PDZD7: variants seen among roughly 807,000 people sequenced by gnomAD.
The protein encoded by PDZD7 is PDZ domain-containing protein 7.
Under a neutral mutation model 84.7 loss-of-function variants are expected in PDZD7, and 72 were observed. The ratio of observed to expected loss-of-function variants is 0.85; its 90% confidence interval spans 0.70 to 1.03. The LOEUF (loss-of-function observed/expected upper bound fraction) is 1.03, where lower values mean the gene tolerates loss of function less well. Ranked by LOEUF, PDZD7 falls within the 50% of genes least tolerant of loss-of-function variation. PDZD7 has a pLI of 0.00. For missense variants in PDZD7, 1,490 were observed against 1,412.9 expected (o/e 1.05, Z -0.87); for synonymous variants, 594 against 580.7 (o/e 1.02, Z -0.33).
intron 8 of PDZD7, 65 bp from the exon 9 acceptor site, chr10:101,018,361 G>C (rs1455573601): frequency 1.3e-5 from 20 of 1,563,848 alleles, no homozygotes; most frequent in Non-Finnish European, 1.8e-5. Context: ...CGAGGGGCAG[G>C]GGTGTGGGGA....
chr10:101,021,149 G>T (rs1485588051), intron 6 of PDZD7, among the ~76,000 whole-genome samples: 8 of 152,058 alleles, frequency 5.3e-5, no homozygotes, highest in Non-Finnish European at 5.9e-5. Context: ...TGAGAGGAAG[G>T]AAAAGGAAAA....
rs1366770769 is a variant in PDZD7 at position 101,030,128 on chromosome 10, A to G, written c.92T>C (p.Leu31Pro). The G allele has an allele frequency of 3.7e-6, 6 of 1,614,158 alleles. No individual in the cohort carries two copies. The highest frequency in any genetic ancestry group is 4.2e-6 in the Non-Finnish European group (5 of 1,180,034). ...TGCGGTGGAGCCTGAGTCGCTGCCT[A>G]GGTGGCCTCGGGAGGAGAGGGAGCT... Reference protein sequence around the residue: ...SLSSLSSRGHLGSDSGSTATR... With the variant: ...SLSSLSSRGHPGSDSGSTATR... The change falls in exon 2 of 17, where the codon CTA (leucine) becomes CCA (proline). Residue 31 changes from leucine (L) to proline (P), a missense_variant. Leu to Pro is a moderately conservative substitution (Grantham distance 98). Transcript: ENST00000619208.
chr10:101,021,992 C>G, intron 5 of PDZD7, 47 bp from the exon 6 acceptor site: 6 of 1,607,658 alleles, frequency 3.7e-6, no homozygotes, highest in Non-Finnish European at 5.1e-6. Flanking sequence ...GCCTGCCCTC[C>G]GTTACCCCAC....
intron 11 of PDZD7, among the ~76,000 whole-genome samples, chr10:101,013,769 A>G (rs1219678619): frequency 6.6e-6 from 1 of 151,838 alleles, no homozygotes; most frequent in Admixed American, 6.6e-5. Context: ...AGCCAAAGAC[A>G]ATGGGTCACC....
chr10:101,015,867 G>T, intron 10 of PDZD7, 56 bp from the exon 11 acceptor site: 1 of 1,504,062 alleles, frequency 6.6e-7, no homozygotes, highest in Non-Finnish European at 8.9e-7. Flanking sequence ...GCAGGGCTGG[G>T]CCCCAGAATT....
At chr10:101,011,876 C>T (rs1377627279) in intron 13 of PDZD7, 49 bp downstream of exon 13, 2 of 1,549,188 alleles carry the variant, frequency 1.3e-6, no homozygotes, top group African/African-American at 2.7e-5. Flanking sequence ...GTCCCATCCC[C>T]ACCCCCAGCA....
intron 1 of PDZD7, chr10:101,030,719 CAG>C: frequency 8.6e-6 from 2 of 232,622 alleles, no homozygotes; most frequent in Non-Finnish European, 1.8e-5. Context: ...GAGGTCAGGA[CAG>C]CTCATGGCAT....
In PDZD7 at chr10:101,008,786, A is replaced by G. The variant is rs912304447; in HGVS notation, c.2783T>C (p.Val928Ala). Residue 928 changes from valine to alanine, a missense_variant, in exon 17 of 17, where the codon GTA becomes GCA. By Grantham distance (64) the Val-to-Ala change is moderately conservative. Transcript: ENST00000619208. ...NLEQVTHQRA[V>A]DTIRRAYRNK... is the part of the protein sequence containing the mutation. ...TCGATAAGCCCGACGGATGGTGTCTACTGCACGCTGGTGGGTCACCTGCTC... is the reference window on the plus strand; with the variant it reads ...TCGATAAGCCCGACGGATGGTGTCTGCTGCACGCTGGTGGGTCACCTGCTC... The G allele has an allele frequency of 3.9e-6, 6 of 1,532,220 alleles. No homozygotes were observed. The highest frequency in any genetic ancestry group is 1.4e-5 in the African/African-American group (1 of 72,890). 94.9% of individuals were successfully genotyped at this position (1,532,220 alleles called of 1,614,324 possible).
chr10:101,019,814 C>A (rs1334623185), intron 7 of PDZD7, among the ~76,000 whole-genome samples: 1 of 151,560 alleles, frequency 6.6e-6, no homozygotes, highest in Non-Finnish European at 1.5e-5. Flanking sequence ...TTAGTAGAGA[C>A]GGGGTTTCAT....
rs1042390603 is a variant in PDZD7 at position 101,010,136 on chromosome 10, C to T, written c.2617+136G>A. The T allele has an allele frequency of 3.5e-6, 4 of 1,137,812 alleles. No individual in the cohort carries two copies. The Admixed American group carries it at 1.2e-4, about 34-fold the overall frequency. 70.5% of individuals were successfully genotyped at this position (1,137,812 alleles called of 1,614,324 possible). A position where few individuals can be genotyped will look rare whatever the true frequency, so the allele number is the denominator to read the frequency against. Reference sequence around the variant, plus strand: ...TCTTGACCTCCTGACCTCAAGTGATCCGCCTGCCTCAGCCTCCCAAAGTGC... The same window carrying T: ...TCTTGACCTCCTGACCTCAAGTGATTCGCCTGCCTCAGCCTCCCAAAGTGC... On this transcript the variant is annotated intron_variant, in intron 15 of 16. Transcript: ENST00000619208.
At chr10:101,017,685 C>G in intron 9 of PDZD7, 1 of 688,302 alleles carries the variant, frequency 1.5e-6, no homozygotes, top group African/African-American at 1.8e-5. Context: ...CTTTGGGAGG[C>G]TGAGGTGGGA....
At chr10:101,017,888 A>AAAGAAAGAAAGAAAG (rs1554834690) in intron 9 of PDZD7, 2 of 197,746 alleles carry the variant, frequency 1.0e-5, no homozygotes, top group African/African-American at 4.3e-5. Context: ...AGAAAGAAAG[A>AAAGAAAGAAAGAAAG]AAGAAAAGAA....
At position 101,010,769 on chromosome 10, in the gene PDZD7, G is replaced by A; in HGVS notation, c.2120C>T (p.Pro707Leu). The change falls in exon 15 of 17, where the codon CCT (proline) becomes CTT (leucine). Residue 707 changes from proline (P) to leucine (L), a missense_variant. Coordinates refer to ENST00000619208, the MANE Select transcript of PDZD7 (RefSeq NM_001195263.2). ...ALKVSPSASA[P>L]RHPHKGIPPL... is the part of the protein sequence containing the mutation. ...GGGGATCCCTTTATGGGGGTGGCGA[G>A]GGGCAGAGGCACTTGGGGAGACCTT... 1 of 1,535,458 alleles carries A rather than the reference G, an allele frequency of 6.5e-7. No individual in the cohort carries two copies. Among genetic ancestry groups the A allele is most frequent in the Non-Finnish European group, 8.7e-7 (1 of 1,146,788 alleles).
chr10:101,015,831 A>C lies in PDZD7; in HGVS notation c.1574-20T>G, dbSNP rs1234532065. The C allele has an allele frequency of 6.5e-7, 1 of 1,538,108 alleles. No homozygotes were observed. Among genetic ancestry groups the C allele is most frequent in the Admixed American group, 2.0e-5 (1 of 50,460 alleles). ...CCTGGTCTGCAGGGCAGGAACCATC[A>C]GGGGAGGGGAGAGGGGCTTCCCTCA... is the stretch of plus-strand genomic sequence containing the variant. On this transcript the variant is annotated intron_variant, in intron 10 of 16. Coordinates refer to ENST00000619208, the MANE Select transcript of PDZD7 (RefSeq NM_001195263.2).
chr10:101,015,846 G>C, intron 10 of PDZD7, 35 bp from the exon 11 acceptor site: 1 of 1,529,896 alleles, frequency 6.5e-7, no homozygotes, highest in Non-Finnish European at 8.8e-7. Context: ...AGGGGAGAGG[G>C]GCTTCCCTCA....
chr10:101,021,989 C>T, intron 5 of PDZD7, 44 bp from the exon 6 acceptor site: 1 of 1,609,144 alleles, frequency 6.2e-7, no homozygotes. Flanking sequence ...CTGGCCTGCC[C>T]TCCGTTACCC....
In PDZD7 at chr10:101,008,170, C is replaced by G. The variant is rs1852281722; in HGVS notation, c.*297G>C. Reference sequence around the variant, plus strand: ...TAAGGGACAGCATGTGAGAAAGTGCCCACCAATCCCAAGCTCCAGACCTTG... The same window carrying G: ...TAAGGGACAGCATGTGAGAAAGTGCGCACCAATCCCAAGCTCCAGACCTTG... On this transcript the variant is annotated 3_prime_UTR_variant, in exon 17 of 17. Coordinates refer to ENST00000619208, the MANE Select transcript of PDZD7 (RefSeq NM_001195263.2). 6.6e-6 allele frequency: 3 copies of G among 456,716 alleles called. No individual in the cohort carries two copies. The highest frequency in any genetic ancestry group is 1.9e-5 in the African/African-American group (1 of 51,796). The allele number at this position is 456,716 out of a possible 1,614,324, so 28.3% of individuals were successfully genotyped here.
At chr10:101,021,227 CCCCAA>C (rs2134079346) in intron 6 of PDZD7, among the ~76,000 whole-genome samples, 2 of 152,218 alleles carry the variant, frequency 1.3e-5, no homozygotes, top group South Asian at 4.1e-4. Flanking sequence ...GAAGCCTTCA[CCCCAA>C]GTGAAGGCTT....
chr10:101,019,586 C>CTCTTCT (rs1187649427), intron 7 of PDZD7, among the ~76,000 whole-genome samples: 1 of 126,706 alleles, frequency 7.9e-6, no homozygotes, highest in Admixed American at 7.8e-5. Context: ...CCTCCTCCTC[C>CTCTTCT]TCTTCTTCTT....
Sources: gnomAD v4.1 joint callset for allele counts (sites outside exome capture counted in the v4.1 genomes callset) on GRCh38, gnomAD v4.1.1 for gene constraint, MANE v1.5 for transcripts, NCBI Gene and HGNC (gene_info 2026-07-23, HGNC 2026-07-21) for gene names.